DTX1: variants seen among roughly 807,000 people sequenced by gnomAD.
DTX1 encodes the protein deltex E3 ubiquitin ligase 1.
In DTX1, 26 loss-of-function variants were observed where a neutral mutation model predicts 57.8. That is an observed-to-expected ratio of 0.45 (90% CI 0.33 to 0.62). The LOEUF is 0.62. DTX1 is among the 20% of genes least tolerant of loss of function. The pLI is 0.02. For synonymous variants in DTX1, 398 were observed against 394.1 expected (o/e 1.01, Z -0.12); for missense variants, 704 against 895.3 (o/e 0.79, Z 2.73).
At position 113,095,131 on chromosome 12, in the gene DTX1, C is replaced by G. The variant is rs1371554350; in HGVS notation, c.1476C>G (p.Ile492Met). The G allele has an allele frequency of 1.9e-6, 3 of 1,613,662 alleles. No individual in the cohort carries two copies. The highest frequency in any genetic ancestry group is 2.5e-6 in the Non-Finnish European group (3 of 1,179,614). The change falls in exon 8 of 10, where the codon ATC becomes ATG. Residue 492 changes from isoleucine to methionine, a missense_variant. Physicochemically the swap from Ile to Met is conservative, Grantham distance 10. Transcript: ENST00000548759. The stretch of plus-strand genomic sequence containing the variant: ...CTGGGAAGATGGAGTTCCACCTCAT[C>G]CCCCACTCGCTGCCCGGCTTCCCTG... The part of the protein sequence containing the change: ...QPPGKMEFHL[I>M]PHSLPGFPDT...
chr12:113,060,233 C>T (rs1012109558), intron 2 of DTX1, among the ~76,000 whole-genome samples: 1 of 152,172 alleles, frequency 6.6e-6, no homozygotes, highest in Non-Finnish European at 1.5e-5. Flanking sequence ...ATTTATTGAT[C>T]TCTGCTGTGT....
rs956822248 is a variant in DTX1 at position 113,093,323 on chromosome 12, T to G, written c.1003+100T>G. 3.7e-5 allele frequency: 53 copies of G among 1,434,694 alleles called. No homozygotes were observed. The highest frequency in any genetic ancestry group is 4.8e-5 in the Non-Finnish European group (51 of 1,060,774). 88.9% of individuals were successfully genotyped at this position (1,434,694 alleles called of 1,614,324 possible). The stretch of plus-strand genomic sequence containing the variant: ...CGCCCCCGAGATGGGCTGGTGAGCG[T>G]GGCCCGGAGGAAACGCCCCCTTCCA... On this transcript the variant is annotated intron_variant, in intron 4 of 9. Coordinates refer to ENST00000548759, the MANE Select transcript of DTX1 (RefSeq NM_004416.3). The surrounding 1 kb of genome is among the most constrained non-coding windows in gnomAD (Gnocchi z 4.2).
intron 2 of DTX1, among the ~76,000 whole-genome samples, chr12:113,070,373 C>T (rs558566508): frequency 7.0e-4 from 107 of 152,336 alleles, no homozygotes; most frequent in African/African-American, 2.5e-3. Flanking sequence ...GTCCCATGAC[C>T]GCCTCCCACG....
chr12:113,064,223 T>C (rs1299088106), intron 2 of DTX1, among the ~76,000 whole-genome samples: 1 of 152,162 alleles, frequency 6.6e-6, no homozygotes, highest in Non-Finnish European at 1.5e-5. Context: ...AGACTATGTG[T>C]AGGGGCAGGG....
At chr12:113,068,721 T>G (rs934974123) in intron 2 of DTX1, among the ~76,000 whole-genome samples, 8 of 152,252 alleles carry the variant, frequency 5.3e-5, no homozygotes, top group African/African-American at 2.4e-5. Context: ...AGTGACACAG[T>G]CCAGCCTTGA....
chr12:113,088,260 C>T (rs1950219575), intron 3 of DTX1, among the ~76,000 whole-genome samples: 1 of 152,200 alleles, frequency 6.6e-6, no homozygotes, highest in Non-Finnish European at 1.5e-5. Flanking sequence ...CATCTCTGCT[C>T]CAGGGCAGTG....
In DTX1 at chr12:113,082,929, G is replaced by A. The variant is rs142086578; in HGVS notation, c.941+4824G>A. On this transcript the variant is annotated intron_variant, in intron 3 of 9. Coordinates refer to ENST00000548759, the MANE Select transcript of DTX1 (RefSeq NM_004416.3). ...TATGACTTTAAGTCTGTATTAGTTT[G>A]CTGGGGCAGTGGTAACAAAGTAACA... Among the ~76,000 whole-genome samples, 11 of 152,310 alleles carry A rather than the reference G, an allele frequency of 7.2e-5. No homozygotes were observed. The East Asian group carries it at 2.1e-3, about 29-fold the overall frequency.
At chr12:113,087,629 C>T (rs971868254) in intron 3 of DTX1, among the ~76,000 whole-genome samples, 6 of 152,100 alleles carry the variant, frequency 3.9e-5, no homozygotes, top group Admixed American at 3.9e-4. Context: ...CTTCCTTCTC[C>T]CCATAAAGTG....
rs2136058869 is a variant in DTX1 at position 113,077,401 on chromosome 12, C to T, written c.260-23C>T. 6.3e-7 allele frequency: 1 copy of T among 1,580,870 alleles called. No homozygotes were observed. Among genetic ancestry groups the T allele is most frequent in the Non-Finnish European group, 8.6e-7 (1 of 1,168,740 alleles). On this transcript the variant is annotated intron_variant, in intron 2 of 9. Transcript: ENST00000548759. This position sits in a 1 kb window ranked among gnomAD's most constrained non-coding sequence, Gnocchi z 7.8. Reference sequence around the variant, plus strand: ...CAGACCAACGCCCGCTGTGCTGACGCCTCCTCCCCATTTCGAGTACAGGCA... The same window carrying T: ...CAGACCAACGCCCGCTGTGCTGACGTCTCCTCCCCATTTCGAGTACAGGCA...
At chr12:113,092,206 G>A (rs1373279438) in intron 3 of DTX1, among the ~76,000 whole-genome samples, 1 of 152,114 alleles carries the variant, frequency 6.6e-6, no homozygotes, top group African/African-American at 2.4e-5. Context: ...GAAATTACTC[G>A]GCCAGGATTG....
At chr12:113,080,496 G>T (rs946033691) in intron 3 of DTX1, among the ~76,000 whole-genome samples, 2 of 152,016 alleles carry the variant, frequency 1.3e-5, no homozygotes, top group African/African-American at 4.8e-5. Flanking sequence ...TTCTCTCTGG[G>T]TAAATTTATT....
rs1222912400 is a variant in DTX1, at chr12:113,077,855, C to G, written c.691C>G (p.Pro231Ala). The part of the protein sequence containing the change: ...SQRRKAPPAP[P>A]LPPPPPPGGP... ...GCGCCGCAAGGCGCCCCCCGCGCCC[C>G]CGCTGCCGCCGCCGCCGCCACCTGG... The change falls in exon 3 of 10, where the codon CCG becomes GCG. Residue 231 changes from proline to alanine, a missense_variant. Physicochemically the swap from Pro to Ala is conservative, Grantham distance 27 (BLOSUM62 -1). Transcript: ENST00000548759. This position sits in a 1 kb window ranked among gnomAD's most constrained non-coding sequence, Gnocchi z 7.8. 1.8e-5 allele frequency: 24 copies of G among 1,320,492 alleles called. No homozygotes were observed. The highest frequency in any genetic ancestry group is 4.1e-5 in the Admixed American group (1 of 24,430). The allele number at this position is 1,320,492 out of a possible 1,614,324, so 81.8% of individuals were successfully genotyped here. A position where few individuals can be genotyped will look rare whatever the true frequency, so the allele number is the denominator to read the frequency against.
Position 113,078,025 on chromosome 12 carries a change from C to T in DTX1, c.861C>T (p.Arg287=), listed in dbSNP as rs2044786734. Residue 287 remains arginine, a synonymous_variant, in exon 3 of 10, where the codon CGC becomes CGT. Transcript: ENST00000548759. ...GCCCGGGCGCCCCCGGCGGAGCGCG[C>T]ACCCCGGGGCAGAACAACCTCAACC... The part of the protein sequence containing the change: ...PRSPGAPGGA[R]TPGQNNLNRP... The T allele has an allele frequency of 3.3e-6, 4 of 1,196,140 alleles. No homozygotes were observed. Among genetic ancestry groups the T allele is most frequent in the Non-Finnish European group, 2.1e-6 (2 of 964,312 alleles). 74.1% of individuals were successfully genotyped at this position (1,196,140 alleles called of 1,614,324 possible). A position where few individuals can be genotyped will look rare whatever the true frequency, so the allele number is the denominator to read the frequency against.
Position 113,096,753 on chromosome 12 carries a change from C to T in DTX1, c.1677C>T (p.Leu559=). Residue 559 remains leucine (L), a synonymous_variant, in exon 10 of 10, where the codon CTC becomes CTT. Coordinates refer to ENST00000548759, the MANE Select transcript of DTX1 (RefSeq NM_004416.3). ...RLLITAWERR[L]IFTIGTSNTT... Reference sequence around the variant, plus strand: ...TCATCACGGCCTGGGAGAGAAGACTCATCTTCACTATCGGCACGTCCAACA... The same window carrying T: ...TCATCACGGCCTGGGAGAGAAGACTTATCTTCACTATCGGCACGTCCAACA... 3.1e-6 allele frequency: 5 copies of T among 1,613,666 alleles called. No individual in the cohort carries two copies. Among genetic ancestry groups the T allele is most frequent in the Non-Finnish European group, 2.5e-6 (3 of 1,180,000 alleles).
At chr12:113,076,834 TG>T (rs2044775482) in intron 2 of DTX1, among the ~76,000 whole-genome samples, 2 of 152,048 alleles carry the variant, frequency 1.3e-5, no homozygotes, top group African/African-American at 2.4e-5. Context: ...ATTGAATGAG[TG>T]AGCAAACTAT....
At position 113,058,394 on chromosome 12, in the gene DTX1, C is replaced by A; in HGVS notation, c.202C>A (p.Gln68Lys). Reference sequence around the variant, plus strand: ...CGTGGTCCTGGGGCAGGTGGACGCCCAGCTTGTGCCCTACATCATCGACCT... The same window carrying A: ...CGTGGTCCTGGGGCAGGTGGACGCCAAGCTTGTGCCCTACATCATCGACCT... ...GSVVLGQVDA[Q>K]LVPYIIDLQS... Residue 68 changes from glutamine to lysine, a missense_variant, in exon 2 of 10, where the codon CAG becomes AAG. By Grantham distance (53) the Gln-to-Lys change is moderately conservative. Coordinates refer to ENST00000548759, the MANE Select transcript of DTX1 (RefSeq NM_004416.3). 6.2e-7 allele frequency: 1 copy of A among 1,608,972 alleles called. No homozygotes were observed.
chr12:113,065,141 C>T (rs1200480286), intron 2 of DTX1, among the ~76,000 whole-genome samples: 1 of 152,192 alleles, frequency 6.6e-6, no homozygotes, highest in East Asian at 1.9e-4. Context: ...CCGGGGGACT[C>T]ACAGCCACGC....
intron 2 of DTX1, among the ~76,000 whole-genome samples, chr12:113,060,743 G>C (rs909891786): frequency 1.6e-4 from 25 of 152,222 alleles, no homozygotes; most frequent in Admixed American, 5.9e-4. Flanking sequence ...GATGGAAGAA[G>C]GGGAAGTGTT....
In DTX1 at chr12:113,095,138, T is replaced by C. The variant is rs377132635; in HGVS notation, c.1483T>C (p.Ser495Pro). The stretch of plus-strand genomic sequence containing the variant: ...GATGGAGTTCCACCTCATCCCCCAC[T>C]CGCTGCCCGGCTTCCCTGATACCCA... ...GKMEFHLIPH[S>P]LPGFPDTQTI... The change falls in exon 8 of 10, where the codon TCG (serine) becomes CCG (proline). Residue 495 changes from serine (S) to proline (P), a missense_variant. Ser to Pro is a moderately conservative substitution (Grantham distance 74). This residue lies in a region of DTX1 where 168 missense variants were observed against 255.6 expected (regional missense o/e 0.66). Coordinates refer to ENST00000548759, the MANE Select transcript of DTX1 (RefSeq NM_004416.3). The C allele has an allele frequency of 2.3e-5, 37 of 1,613,482 alleles. No homozygotes were observed. The highest frequency in any genetic ancestry group is 1.6e-4 in the Middle Eastern group (1 of 6,084).
Sources: gnomAD v4.1 joint callset for allele counts (sites outside exome capture counted in the v4.1 genomes callset) on GRCh38, gnomAD v4.1.1 for gene constraint, gnomAD v4.1.1 regional missense constraint, Gnocchi (gnomAD v3.1) non-coding constraint, MANE v1.5 for transcripts, NCBI Gene and HGNC (gene_info 2026-07-23, HGNC 2026-07-21) for gene names.